NAA11: variants seen among roughly 807,000 people sequenced by gnomAD.
The protein encoded by NAA11 is N-alpha-acetyltransferase 11, NatA catalytic subunit, also known as N-alpha-acetyltransferase 11.
NAA11 carries 15 observed loss-of-function variants against 16.1 expected under a neutral mutation model. The ratio of observed to expected loss-of-function variants is 0.93; its 90% confidence interval spans 0.62 to 1.44. The LOEUF (loss-of-function observed/expected upper bound fraction) is 1.44. Ranked by LOEUF, NAA11 falls within the 40% of genes most tolerant of loss-of-function variation. The probability of loss-of-function intolerance (pLI) is 0.00; values close to 1 mark genes in which losing one functional copy is unlikely to be tolerated. For synonymous variants in NAA11, 122 were observed against 112.4 expected (o/e 1.09, Z -0.54); for missense variants, 298 against 291.3 (o/e 1.02, Z -0.17).
At chr4:79,298,302 G>A (rs1204784922) in intron 1 of NAA11, among the ~76,000 whole-genome samples, 1 of 152,218 alleles carries the variant, frequency 6.6e-6, no homozygotes, top group Non-Finnish European at 1.5e-5. Context: ...ACTGAATGGT[G>A]AGGCTAAAAG....
intron 2 of NAA11, among the ~76,000 whole-genome samples, chr4:79,281,377 T>G (rs1722782849): frequency 6.6e-6 from 1 of 151,850 alleles, no homozygotes; most frequent in South Asian, 2.1e-4. Context: ...TTGTCAGGAC[T>G]TGGCATCACT....
At chr4:79,284,005 G>T (rs1180840149) in intron 2 of NAA11, among the ~76,000 whole-genome samples, 2 of 152,040 alleles carry the variant, frequency 1.3e-5, no homozygotes, top group Non-Finnish European at 2.9e-5. Context: ...TGAAGTGATT[G>T]AGGAACTTGG....
chr4:79,240,779 T>C (rs1001607262), intron 2 of NAA11, among the ~76,000 whole-genome samples: 1 of 152,110 alleles, frequency 6.6e-6, no homozygotes, highest in African/African-American at 2.4e-5. Context: ...TGTTACACAA[T>C]GGAGGTAAGG....
intron 1 of NAA11, among the ~76,000 whole-genome samples, chr4:79,311,509 A>G (rs755197865): frequency 1.3e-5 from 2 of 152,198 alleles, no homozygotes; most frequent in Non-Finnish European, 2.9e-5. Context: ...TCTGCTGACA[A>G]ATGACAATTT....
chr4:79,209,275 G>A, the NAA11 span, among the ~76,000 whole-genome samples: 1 of 152,172 alleles, frequency 6.6e-6, no homozygotes, highest in Non-Finnish European at 1.5e-5. Flanking sequence ...TAAGCTCAAT[G>A]TGTTAGTGAG....
chr4:79,161,965 G>A, the NAA11 span, among the ~76,000 whole-genome samples: 2 of 152,186 alleles, frequency 1.3e-5, no homozygotes, highest in South Asian at 4.1e-4. Flanking sequence ...AGAGGCGTGA[G>A]CCACCACACC....
the NAA11 span, among the ~76,000 whole-genome samples, chr4:79,189,030 C>CA: frequency 2.0e-5 from 3 of 151,358 alleles, no homozygotes; most frequent in African/African-American, 7.3e-5. Context: ...CCTGTAGTCC[C>CA]AGCTACTCGG....
intron 1 of NAA11, among the ~76,000 whole-genome samples, chr4:79,309,379 T>C (rs928901423): frequency 6.6e-6 from 1 of 152,190 alleles, no homozygotes. Context: ...AAGCATTTCA[T>C]ATGTTATTTT....
rs992895426 is a variant in NAA11 at position 79,318,501 on chromosome 4, T to C, written c.*13-710A>G. On this transcript the variant is annotated intron_variant, in intron 1 of 1. Coordinates refer to ENST00000286794, the MANE Select transcript of NAA11 (RefSeq NM_032693.3). ...TTACTCAGTACCTTTTCATCTATCA[T>C]ATGCACACAGAAGTAAATAAGATTG... Among the ~76,000 whole-genome samples, 18 of 152,308 alleles carry C rather than the reference T, an allele frequency of 1.2e-4. No homozygotes were observed. In the East Asian group the frequency reaches 3.5e-3, roughly 29 times the overall value.
At chr4:79,279,891 G>C (rs1432175745) in intron 2 of NAA11, among the ~76,000 whole-genome samples, 1 of 152,008 alleles carries the variant, frequency 6.6e-6, no homozygotes, top group Admixed American at 6.6e-5. Context: ...AAATGGGAGA[G>C]GATGGGGGTG....
chr4:79,239,738 G>A (rs536578050), intron 2 of NAA11, among the ~76,000 whole-genome samples: 13 of 152,192 alleles, frequency 8.5e-5, no homozygotes, highest in African/African-American at 3.1e-4. Context: ...TCTTATAATG[G>A]ACACAAACTG....
the NAA11 span, among the ~76,000 whole-genome samples, chr4:79,218,193 CAGTATCA>C: frequency 6.6e-6 from 1 of 152,104 alleles, no homozygotes. Context: ...GAATACAGAT[CAGTATCA>C]TGTGTCCTCA....
rs564171586 is a variant in NAA11, at chr4:79,235,403, A to G, written c.*123-9133T>C. ...ACAGCTTCAGCTTGAAAGAAAAAAAAATTCAGAATCCAATCTATGTAAGCA... is the reference window on the plus strand; with the variant it reads ...ACAGCTTCAGCTTGAAAGAAAAAAAGATTCAGAATCCAATCTATGTAAGCA... On this transcript the variant is annotated intron_variant and NMD_transcript_variant, in intron 2 of 2. Coordinates refer to the NAA11 transcript ENST00000511542. Among the ~76,000 whole-genome samples the G allele has an allele frequency of 2.0e-5, 3 of 152,210 alleles. 1 individual carries two copies. In the South Asian group the frequency reaches 6.2e-4, roughly 32 times the overall value.
chr4:79,236,597 TTA>T lies in NAA11; in HGVS notation c.*123-10329_*123-10328del, dbSNP rs571985900. Among the ~76,000 whole-genome samples, 31 of 152,284 alleles carry T rather than the reference TTA, an allele frequency of 2.0e-4. 1 individual carries two copies. The South Asian group carries it at 2.7e-3, about 13-fold the overall frequency. On this transcript the variant is annotated intron_variant and NMD_transcript_variant, in intron 2 of 2. Transcript: ENST00000511542. ...TGAGAATTTTTAATTTGAAAAAAATTTATGAGTTAATTAAAATCTTAATTATA... is the reference window on the plus strand; with the variant it reads ...TGAGAATTTTTAATTTGAAAAAAATTTGAGTTAATTAAAATCTTAATTATA...
At chr4:79,250,757 A>C (rs1334941047) in intron 2 of NAA11, among the ~76,000 whole-genome samples, 1 of 151,736 alleles carries the variant, frequency 6.6e-6, no homozygotes. Context: ...CAGCATTTAT[A>C]AGGAACTTAA....
intron 1 of NAA11, among the ~76,000 whole-genome samples, chr4:79,304,610 A>G (rs944759061): frequency 2.6e-5 from 4 of 152,252 alleles, no homozygotes; most frequent in African/African-American, 9.6e-5. Flanking sequence ...TTGTAAGTCC[A>G]ATATACATAT....
the NAA11 span, among the ~76,000 whole-genome samples, chr4:79,167,838 G>A: frequency 2.6e-5 from 4 of 152,004 alleles, no homozygotes; most frequent in African/African-American, 4.8e-5. Flanking sequence ...AGATGGGGAA[G>A]TGCTACACAC....
chr4:79,322,626 G>T (rs557882654), intron 1 of NAA11, among the ~76,000 whole-genome samples: 9 of 152,166 alleles, frequency 5.9e-5, no homozygotes, highest in African/African-American at 1.9e-4. Context: ...GTCCTTCTAC[G>T]AAGGAATTTG....
intron 2 of NAA11, among the ~76,000 whole-genome samples, chr4:79,247,422 G>GC (rs1297406863): frequency 4.6e-5 from 7 of 151,956 alleles, no homozygotes; most frequent in Admixed American, 3.9e-4. Flanking sequence ...AAATTCCTTT[G>GC]CCATTTGCCT....
Sources: gnomAD v4.1 joint callset for allele counts (sites outside exome capture counted in the v4.1 genomes callset) on GRCh38, gnomAD v4.1.1 for gene constraint, MANE v1.5 for transcripts, NCBI Gene and HGNC (gene_info 2026-07-23, HGNC 2026-07-21) for gene names.